The following NIPBL variants were observed in gnomAD, a reference collection of about 807,000 sequenced individuals.
NIPBL encodes the protein nipped-B-like protein.
A neutral mutation model predicts 321.8 loss-of-function variants in NIPBL; 19 were observed. The observed-to-expected ratio is 0.06, with a 90% CI of 0.04 to 0.09. NIPBL has a LOEUF of 0.09. Ranked by LOEUF, NIPBL falls within the 10% of genes least tolerant of loss-of-function variation. The pLI, the probability that NIPBL is intolerant of heterozygous loss-of-function variation, is 1.00. For synonymous variants in NIPBL, 1,106 were observed against 1,114.1 expected (o/e 0.99, Z 0.14); for missense variants, 2,210 against 3,327.0 (o/e 0.66, Z 8.26).
intron 4 of NIPBL, among the ~76,000 whole-genome samples, chr5:36,959,783 G>A (rs941953969): frequency 1.1e-4 from 16 of 152,034 alleles, no homozygotes; most frequent in African/African-American, 3.9e-4. Context: ...CATATTTTGT[G>A]TTTTATACTA....
At chr5:36,933,474 A>C (rs1343512528) in intron 1 of NIPBL, among the ~76,000 whole-genome samples, 1 of 152,108 alleles carries the variant, frequency 6.6e-6, no homozygotes, top group Non-Finnish European at 1.5e-5. Context: ...AGTTCTAGAG[A>C]CATTTTTTAT....
chr5:37,000,325 C>T, intron 11 of NIPBL, 48 bp from the exon 12 acceptor site: 2 of 1,568,242 alleles, frequency 1.3e-6, no homozygotes, highest in Non-Finnish European at 1.7e-6. Flanking sequence ...AAGTTTTAAT[C>T]ATCTTTTTAA....
At chr5:36,988,508 T>A (rs1299789994) in intron 10 of NIPBL, among the ~76,000 whole-genome samples, 4 of 152,154 alleles carry the variant, frequency 2.6e-5, no homozygotes, top group Admixed American at 6.5e-5. Context: ...TATCTTTTTT[T>A]TTTAGTAATG....
At chr5:37,008,572 GGTTT>G in intron 19 of NIPBL, 47 bp from the exon 20 acceptor site, 1 of 913,522 alleles carries the variant, frequency 1.1e-6, no homozygotes, top group Non-Finnish European at 1.8e-6. Context: ...ATTATTTTTT[GGTTT>G]GTTTTCTATT....
At position 37,065,050 on chromosome 5, in the gene NIPBL, G is replaced by C. The variant is rs1755246034; in HGVS notation, c.*158G>C. ...GGAAATGTTGGGCAAACATTTTTGT[G>C]GGAGCTCCCTTCGCTGTTGTGCAGC... On this transcript the variant is annotated 3_prime_UTR_variant, in exon 47 of 47. Coordinates refer to ENST00000282516, the MANE Select transcript of NIPBL (RefSeq NM_133433.4). The C allele has an allele frequency of 1.2e-6, 1 of 805,820 alleles. No homozygotes were observed. The highest frequency in any genetic ancestry group is 2.6e-5 in the East Asian group (1 of 37,878). 49.9% of individuals were successfully genotyped at this position (805,820 alleles called of 1,614,324 possible).
In NIPBL at chr5:36,952,051, T is replaced by C. The variant is rs138207942; in HGVS notation, c.-79-1567T>C. On this transcript the variant is annotated intron_variant, in intron 1 of 46. Coordinates refer to ENST00000282516, the MANE Select transcript of NIPBL (RefSeq NM_133433.4). The stretch of plus-strand genomic sequence containing the variant: ...GTGTGTGTGTGTGTGTGTGTGTGTG[T>C]GTGCGCGCGCGCGCGCGCGCGCATG... 5.1e-3 allele frequency among the ~76,000 whole-genome samples: 527 copies of C among 102,768 alleles called. 2 individuals are homozygous for C. The highest frequency in any genetic ancestry group is 0.029 in the East Asian group (102 of 3,578). 67.4% of individuals were successfully genotyped at this position (102,768 alleles called of 152,430 possible).
chr5:36,962,065 A>G, intron 5 of NIPBL, 58 bp from the exon 6 acceptor site: 3 of 1,591,376 alleles, frequency 1.9e-6, no homozygotes, highest in Non-Finnish European at 2.6e-6. Context: ...TCAGATTTCA[A>G]GGAATAGCGT....
chr5:36,952,340 A>C (rs1454605410), intron 1 of NIPBL, among the ~76,000 whole-genome samples: 5 of 152,140 alleles, frequency 3.3e-5, no homozygotes, highest in Non-Finnish European at 4.4e-5. Context: ...AAAGATAAAT[A>C]TTTAAGTTTT....
chr5:37,045,291 T>C, intron 36 of NIPBL, 152 bp from the exon 37 acceptor site: 1 of 572,470 alleles, frequency 1.7e-6, no homozygotes, highest in Non-Finnish European at 3.0e-6. Context: ...GAGGCGGAGG[T>C]TGCAGTGAGC....
chr5:37,056,528 C>T (rs1393268520), intron 42 of NIPBL, among the ~76,000 whole-genome samples: 1 of 152,174 alleles, frequency 6.6e-6, no homozygotes, highest in South Asian at 2.1e-4. Flanking sequence ...GCCTGCCTCA[C>T]AGTTTTTACA....
At chr5:36,905,172 A>C (rs1236565077) in intron 1 of NIPBL, among the ~76,000 whole-genome samples, 1 of 152,192 alleles carries the variant, frequency 6.6e-6, no homozygotes, top group African/African-American at 2.4e-5. Flanking sequence ...GAACAGAAAT[A>C]TGTAGCTTGT....
chr5:37,041,870 ATTTT>A (rs70976272), intron 34 of NIPBL, among the ~76,000 whole-genome samples: 1 of 145,520 alleles, frequency 6.9e-6, no homozygotes, highest in Non-Finnish European at 1.5e-5. Context: ...CAGCCACTAC[ATTTT>A]TTTTTTTTTT....
intron 34 of NIPBL, among the ~76,000 whole-genome samples, chr5:37,042,608 G>C (rs1752529304): frequency 6.6e-6 from 1 of 151,876 alleles, no homozygotes; most frequent in Non-Finnish European, 1.5e-5. Context: ...TGGCCAATAT[G>C]GTGAAACCCC....
chr5:36,955,385 C>A, intron 2 of NIPBL, 87 bp from the exon 3 acceptor site: 1 of 1,129,428 alleles, frequency 8.9e-7, no homozygotes, highest in Non-Finnish European at 1.3e-6. Context: ...ATATTTATAA[C>A]TTACTTTTAA....
intron 1 of NIPBL, among the ~76,000 whole-genome samples, chr5:36,921,951 A>T (rs1039959574): frequency 5.4e-5 from 8 of 148,974 alleles, no homozygotes; most frequent in Non-Finnish European, 1.2e-4. Context: ...CAGTGGCGTG[A>T]TCTCAGCTCA....
intron 6 of NIPBL, among the ~76,000 whole-genome samples, chr5:36,963,161 C>T (rs1309191856): frequency 6.6e-6 from 1 of 151,906 alleles, no homozygotes; most frequent in Non-Finnish European, 1.5e-5. Flanking sequence ...TTCATGGTTA[C>T]TAAATAATTG....
chr5:37,036,981 TG>T (rs1336957957), intron 33 of NIPBL, among the ~76,000 whole-genome samples: 1 of 152,126 alleles, frequency 6.6e-6, no homozygotes, highest in Non-Finnish European at 1.5e-5. Flanking sequence ...TTTATTAAAA[TG>T]TTTAAAATCA....
intron 1 of NIPBL, among the ~76,000 whole-genome samples, chr5:36,952,334 A>T (rs917660947): frequency 1.3e-5 from 2 of 152,122 alleles, no homozygotes; most frequent in African/African-American, 4.8e-5. Flanking sequence ...CCTTAAAAAG[A>T]TAAATATTTA....
rs755606647 is a variant in NIPBL at position 37,051,862 on chromosome 5, C to T, written c.7038C>T (p.Asp2346=). Residue 2346 remains aspartate (D), a synonymous_variant, in exon 41 of 47, where the codon GAC becomes GAT. Coordinates refer to ENST00000282516, the MANE Select transcript of NIPBL (RefSeq NM_133433.4). The part of the protein sequence containing the change: ...NKADQQLVEI[D]KKYAGFIHMK... ...CTGATCAGCAACTTGTGGAAATAGA[C>T]AAAAAATATGCTGGATTCATTCATG... The T allele has an allele frequency of 6.2e-7, 1 of 1,612,642 alleles. No homozygotes were observed. The highest frequency in any genetic ancestry group is 8.5e-7 in the Non-Finnish European group (1 of 1,178,932).
Sources: allele counts gnomAD v4.1 joint callset (sites outside exome capture counted in the v4.1 genomes callset), GRCh38; gene constraint gnomAD v4.1.1; transcripts MANE v1.5; gene names NCBI Gene and HGNC (gene_info 2026-07-23, HGNC 2026-07-21).